The following TTLL8 variants were observed in gnomAD, a reference collection of about 807,000 sequenced individuals.
TTLL8 encodes the protein protein monoglycylase TTLL8.
In TTLL8, 65 loss-of-function variants were observed where a neutral mutation model predicts 77.8. The ratio of observed to expected loss-of-function variants is 0.84; its 90% CI spans 0.68 to 1.03. The LOEUF (loss-of-function observed/expected upper bound fraction) is 1.03. TTLL8 is among the 50% of genes least tolerant of loss of function. The pLI is 0.00. For missense variants in TTLL8, 910 were observed against 1,004.5 expected (o/e 0.91, Z 1.27); for synonymous variants, 402 against 422.8 (o/e 0.95, Z 0.60).
At chr22:50,030,909 G>A (rs1304818457) in exon 12 of TTLL8, 2 of 1,321,360 alleles carry the variant, frequency 1.5e-6, no homozygotes, top group South Asian at 1.2e-5. Flanking sequence ...GCTGAATGGG[G>A]GCGGCTCAAC....
At chr22:50,055,510 C>T (rs765219362), upstream of TTLL8, among the ~76,000 whole-genome samples, 10 of 151,924 alleles carry the variant, frequency 6.6e-5, no homozygotes, top group Non-Finnish European at 1.2e-4. Context: ...TAAAATTAGC[C>T]GGGTGATGGT....
At chr22:50,049,168 G>A (rs1464618838) in intron 3 of TTLL8, 81 bp downstream of exon 5, 2 of 1,357,796 alleles carry the variant, frequency 1.5e-6, no homozygotes, top group Non-Finnish European at 2.0e-6. Flanking sequence ...CAGGACATGG[G>A]AGAGTGGGCA....
chr22:50,033,580 G>T, intron 9 of TTLL8, 135 bp from the exon 11 acceptor site: 2 of 745,276 alleles, frequency 2.7e-6, no homozygotes, highest in Non-Finnish European at 3.9e-6. Flanking sequence ...AGGCAGCATG[G>T]TTGGTGGGGG....
exon 12 of TTLL8, chr22:50,030,621 G>C (rs1319259277): frequency 1.5e-6 from 2 of 1,294,204 alleles, no homozygotes; most frequent in African/African-American, 3.1e-5. Context: ...CTTCCCAGCA[G>C]CTTTGGTGCG....
intron 8 of TTLL8, among the ~76,000 whole-genome samples, chr22:50,037,365 G>A (rs763936242): frequency 4.6e-5 from 7 of 151,912 alleles, no homozygotes; most frequent in Non-Finnish European, 8.8e-5. Context: ...GCACCACCGC[G>A]CCCAGCTAAT....
rs1031078828 is a variant in TTLL8 at position 50,034,602 on chromosome 22, G to C, written c.922-140C>G. ...TCGGCTCTAGGATGGTCTGGGGCTG[G>C]CCTGGCGGGAAAGGGCTGCGGGTCG... is the stretch of plus-strand genomic sequence containing the variant. On this transcript the variant is annotated intron_variant, in intron 8 of 13. Coordinates refer to ENST00000266182, the Ensembl canonical transcript of TTLL8. The surrounding 1 kb of genome is among the most constrained non-coding windows in gnomAD (Gnocchi z 4.1). 5 of 900,218 alleles carry C rather than the reference G, an allele frequency of 5.6e-6. No homozygotes were observed. The highest frequency in any genetic ancestry group is 7.5e-6 in the Non-Finnish European group (5 of 666,672). 55.8% of individuals were successfully genotyped at this position (900,218 alleles called of 1,614,324 possible).
chr22:50,057,045 G>C, upstream of TTLL8: 1 of 1,121,100 alleles, frequency 8.9e-7, no homozygotes, highest in Non-Finnish European at 1.2e-6. Context: ...AGAGGGTTCT[G>C]AGGCCCAAGC....
At chr22:50,049,978 T>G (rs1490691688) in intron 2 of TTLL8, 131 bp downstream of exon 4, 2 of 1,143,450 alleles carry the variant, frequency 1.7e-6, no homozygotes. Flanking sequence ...GATGGAGACC[T>G]GGGGTCGGAG....
In TTLL8 at chr22:50,036,154, G is replaced by GT. The variant is rs534084509; in HGVS notation, c.922-1693_922-1692insA. On this transcript the variant is annotated intron_variant, in intron 8 of 13. Coordinates refer to ENST00000266182, the Ensembl canonical transcript of TTLL8. ...CTGACCCCAGGGCACACCTGCCAGG[G>GT]GTCCCAGCTGAGCCCAGCAGGTGAG... Among the ~76,000 whole-genome samples, 130 of 152,308 alleles carry GT rather than the reference G, an allele frequency of 8.5e-4. 2 individuals carry two copies. Among genetic ancestry groups the GT allele is most frequent in the Admixed American group, 8.0e-3 (122 of 15,304 alleles).
At position 50,029,557 on chromosome 22, in the gene TTLL8, G is replaced by A. The variant is rs1039634751; in HGVS notation, c.2203+873C>T. On this transcript the variant is annotated intron_variant, in intron 12 of 13. Transcript: ENST00000266182. ...AGGTGGAGACCATCCTGACTAACAC[G>A]GTGAAACCCCATCTCTACTAAAAAT... Among the ~76,000 whole-genome samples the A allele has an allele frequency of 7.9e-5, 12 of 151,728 alleles. No homozygotes were observed. In the East Asian group the frequency reaches 9.8e-4, roughly 12 times the overall value.
chr22:50,045,002 G>C (rs1381697643), intron 6 of TTLL8, among the ~76,000 whole-genome samples: 1 of 152,198 alleles, frequency 6.6e-6, no homozygotes, highest in Non-Finnish European at 1.5e-5. Flanking sequence ...CTGTGGCAGT[G>C]AGTGTGGGAC....
Position 50,049,342 on chromosome 22 carries a change from G to A in TTLL8, c.191-20C>T. ...TATCATCTGCCAACAAAACACAGGG[G>A]AGGCCTGAACATGAAGCCTCAGCCA... On this transcript the variant is annotated intron_variant, in intron 2 of 13. Transcript: ENST00000266182. 5 of 1,367,240 alleles carry A rather than the reference G, an allele frequency of 3.7e-6. No individual in the cohort carries two copies. Among genetic ancestry groups the A allele is most frequent in the Non-Finnish European group, 4.9e-6 (5 of 1,021,796 alleles). The allele number at this position is 1,367,240 out of a possible 1,614,324, so 84.7% of individuals were successfully genotyped here.
intron 1 of TTLL8, among the ~76,000 whole-genome samples, chr22:50,052,054 C>T (rs1002969042): frequency 6.6e-6 from 1 of 151,994 alleles, no homozygotes; most frequent in African/African-American, 2.4e-5. Context: ...GTCCCAGCAC[C>T]TCTCTGGGAA....
intron 12 of TTLL8, among the ~76,000 whole-genome samples, chr22:50,025,501 T>G (rs2061225854): frequency 1.3e-5 from 2 of 152,082 alleles, no homozygotes; most frequent in African/African-American, 4.8e-5. Context: ...TAGCTGGGCA[T>G]GGTGGTGCGT....
chr22:50,023,301 GA>G (rs1405301282), intron 12 of TTLL8, among the ~76,000 whole-genome samples: 1 of 152,148 alleles, frequency 6.6e-6, no homozygotes, highest in African/African-American at 2.4e-5. Flanking sequence ...GCAGGGATCA[GA>G]AGCCTCAATA....
chr22:50,040,970 T>G (rs1323829393), intron 8 of TTLL8, among the ~76,000 whole-genome samples: 1 of 151,836 alleles, frequency 6.6e-6, no homozygotes, highest in Non-Finnish European at 1.5e-5. Context: ...ACCCCTGGAG[T>G]GGCAAATGGT....
chr22:50,050,972 G>A (rs71316581), intron 1 of TTLL8, among the ~76,000 whole-genome samples: 2,025 of 152,244 alleles, frequency 0.013, 32 homozygotes, highest in Middle Eastern at 0.027. Context: ...TCTTTAATCC[G>A]GTGTCTGAGG....
chr22:50,039,626 G>A (rs990821973), intron 8 of TTLL8, among the ~76,000 whole-genome samples: 6 of 152,240 alleles, frequency 3.9e-5, no homozygotes, highest in South Asian at 2.1e-4. Context: ...AACAAAACTC[G>A]TAACTACAGA....
intron 10 of TTLL8, 128 bp from the exon 12 acceptor site, chr22:50,032,237 C>A (rs757830291): frequency 2.0e-6 from 2 of 1,011,030 alleles, no homozygotes; most frequent in Non-Finnish European, 2.6e-6. Context: ...GGACTCCAAC[C>A]CTCTGCTGGA....
Sources: gnomAD v4.1 joint callset for allele counts (sites outside exome capture counted in the v4.1 genomes callset) on GRCh38, gnomAD v4.1.1 for gene constraint, Gnocchi (gnomAD v3.1) non-coding constraint, MANE v1.5 for transcripts, NCBI Gene and HGNC (gene_info 2026-07-23, HGNC 2026-07-21) for gene names.